Variants in RBFOX1 observed in about 807,000 individuals in gnomAD.
The protein encoded by RBFOX1 is RNA binding protein fox-1 homolog 1.
Under a neutral mutation model 57.7 loss-of-function variants are expected in RBFOX1, and 8 were observed. That is an observed-to-expected ratio of 0.14 (90% CI 0.08 to 0.25). The LOEUF (loss-of-function observed/expected upper bound fraction) is 0.25. Among genes scored for constraint, RBFOX1 ranks in the 10% least tolerant of loss-of-function variants. The pLI, the probability that RBFOX1 is intolerant of heterozygous loss-of-function variation, is 1.00. For missense variants in RBFOX1, 611 were observed against 548.5 expected, an observed-to-expected ratio of 1.11 and a Z score of -1.14; for synonymous variants, 326 against 222.4, an observed-to-expected ratio of 1.47 and a Z score of -4.15.
intron 2 of RBFOX1, among the ~76,000 whole-genome samples, chr16:6,613,003 ATG>A (rs57236292): frequency 0.013 from 1,846 of 143,200 alleles, 33 homozygotes; most frequent in African/African-American, 0.042. Flanking sequence ...CAGTCCCAGC[ATG>A]TGTGTGTGTG....
At chr16:5,628,299 C>G (rs988587147) in intron 3 of RBFOX1, among the ~76,000 whole-genome samples, 2 of 152,140 alleles carry the variant, frequency 1.3e-5, no homozygotes, top group African/African-American at 2.4e-5. Flanking sequence ...ACCTGTGATA[C>G]CAATTATCAC....
At chr16:7,460,380 T>TAC (rs1283928022) in intron 4 of RBFOX1, among the ~76,000 whole-genome samples, 1 of 89,178 alleles carries the variant, frequency 1.1e-5, no homozygotes, top group African/African-American at 6.0e-5. Flanking sequence ...AATATATATA[T>TAC]ATATATATAT....
intron 3 of RBFOX1, among the ~76,000 whole-genome samples, chr16:5,615,390 G>C (rs2047984215): frequency 6.6e-6 from 1 of 152,184 alleles, no homozygotes; most frequent in Non-Finnish European, 1.5e-5. Flanking sequence ...GTGCTTGATA[G>C]ACCCTAGAGC....
chr16:5,983,371 G>A (rs879526514), intron 4 of RBFOX1, among the ~76,000 whole-genome samples: 4 of 152,176 alleles, frequency 2.6e-5, no homozygotes, highest in Admixed American at 1.3e-4. Flanking sequence ...GAGCTTCTCC[G>A]CGGACAAATC....
intron 3 of RBFOX1, among the ~76,000 whole-genome samples, chr16:6,823,870 G>C (rs1014972090): frequency 1.3e-5 from 2 of 152,142 alleles, no homozygotes; most frequent in South Asian, 2.1e-4. Context: ...GGCTGGGGTT[G>C]AGGGGATTAC....
intron 1 of RBFOX1, among the ~76,000 whole-genome samples, chr16:6,272,852 A>G (rs1759445858): frequency 6.6e-6 from 1 of 152,234 alleles, no homozygotes; most frequent in African/African-American, 2.4e-5. Flanking sequence ...ACCTTTCAAC[A>G]TATGGTACTA....
chr16:6,573,676 G>C (rs4786886), intron 2 of RBFOX1: 145,806 of 152,322 alleles, frequency 0.96, 70,123 homozygotes, highest in Non-Finnish European at 1. Flanking sequence ...GCTGTCTGCT[G>C]TGTGACATGC....
intron 3 of RBFOX1, among the ~76,000 whole-genome samples, chr16:7,018,376 T>C (rs1208691669): frequency 1.3e-5 from 2 of 152,178 alleles, no homozygotes; most frequent in African/African-American, 4.8e-5. Context: ...GATACTTCTT[T>C]CTAGATGCTT....
At chr16:6,100,221 G>C (rs548852517) in intron 1 of RBFOX1, among the ~76,000 whole-genome samples, 1 of 152,104 alleles carries the variant, frequency 6.6e-6, no homozygotes, top group East Asian at 1.9e-4. Context: ...GGAGTGCAGT[G>C]GCCCGATCTC....
intron 4 of RBFOX1, among the ~76,000 whole-genome samples, chr16:7,427,016 A>G (rs879130122): frequency 6.6e-6 from 1 of 152,256 alleles, no homozygotes; most frequent in South Asian, 2.1e-4. Flanking sequence ...TTGAAAGGAC[A>G]GAAAACCAAA....
intron 3 of RBFOX1, among the ~76,000 whole-genome samples, chr16:6,727,189 C>G (rs913697886): frequency 6.6e-6 from 1 of 151,838 alleles, no homozygotes; most frequent in African/African-American, 2.4e-5. Context: ...AGAGGTGAGA[C>G]TCACTATCCT....
chr16:6,783,490 T>G (rs2081383308), intron 3 of RBFOX1, among the ~76,000 whole-genome samples: 1 of 151,752 alleles, frequency 6.6e-6, no homozygotes, highest in Admixed American at 6.6e-5. Flanking sequence ...TGATTAAAGC[T>G]TAACTCTGGT....
At position 6,317,069 on chromosome 16, in the gene RBFOX1, C is replaced by G; in HGVS notation, c.-64+12C>G. 1 of 1,528,456 alleles carries G rather than the reference C, an allele frequency of 6.5e-7. No homozygotes were observed. The allele number at this position is 1,528,456 out of a possible 1,614,324, so 94.7% of individuals were successfully genotyped here. ...GGACTCAGCATTCAGTAAGTGCAAC[C>G]CATTTTGAACATTCATTCCATAAAT... On this transcript the variant is annotated intron_variant, in intron 2 of 15. Coordinates refer to ENST00000550418, the MANE Select transcript of RBFOX1 (RefSeq NM_018723.4).
chr16:7,709,247 G>A (rs1217589841), intron 15 of RBFOX1, 116 bp downstream of exon 15: 26 of 1,098,798 alleles, frequency 2.4e-5, no homozygotes, highest in Non-Finnish European at 3.4e-5. Flanking sequence ...TTTGTCTCTT[G>A]TGCTAACAGC....
intron 4 of RBFOX1, among the ~76,000 whole-genome samples, chr16:5,952,431 G>A (rs887188536): frequency 1.4e-4 from 22 of 151,976 alleles, no homozygotes; most frequent in African/African-American, 4.6e-4. Context: ...GATTATAGTC[G>A]TGTGCCACCA....
chr16:5,750,249 G>A (rs1013638937), intron 3 of RBFOX1, among the ~76,000 whole-genome samples: 4 of 152,130 alleles, frequency 2.6e-5, no homozygotes, highest in South Asian at 2.1e-4. Context: ...AGGGGCACCC[G>A]ACTGCATGAG....
chr16:6,802,662 G>A (rs1238425783), intron 3 of RBFOX1, among the ~76,000 whole-genome samples: 1 of 152,200 alleles, frequency 6.6e-6, no homozygotes, highest in African/African-American at 2.4e-5. Flanking sequence ...GGGTGGCAGT[G>A]AGACTCCGTC....
chr16:5,396,313 G>A (rs2066554017), intron 1 of RBFOX1, among the ~76,000 whole-genome samples: 1 of 152,126 alleles, frequency 6.6e-6, no homozygotes, highest in African/African-American at 2.4e-5. Context: ...CTGTAGTAGT[G>A]AATCAAGATG....
chr16:6,577,727 AG>A (rs2097462141), intron 2 of RBFOX1, among the ~76,000 whole-genome samples: 1 of 152,198 alleles, frequency 6.6e-6, no homozygotes, highest in African/African-American at 2.4e-5. Flanking sequence ...TGCTTTGACA[AG>A]GAAGTGACAC....
Sources: gnomAD v4.1 joint callset for allele counts (sites outside exome capture counted in the v4.1 genomes callset) on GRCh38, gnomAD v4.1.1 for gene constraint, MANE v1.5 for transcripts, NCBI Gene and HGNC (gene_info 2026-07-23, HGNC 2026-07-21) for gene names.